MAN2A1: variants seen among roughly 807,000 people sequenced by gnomAD.
MAN2A1 encodes the protein mannosidase alpha class 2A member 1.
MAN2A1 carries 76 observed loss-of-function variants against 142.6 expected under a neutral mutation model. The observed-to-expected ratio is 0.53, with a 90% CI of 0.44 to 0.65. The LOEUF (loss-of-function observed/expected upper bound fraction) is 0.65. Ranked by LOEUF, MAN2A1 falls within the 30% of genes least tolerant of loss-of-function variation. MAN2A1 has a pLI of 0.00. For synonymous variants in MAN2A1, 559 were observed against 473.2 expected (o/e 1.18, Z -2.35); for missense variants, 1,311 against 1,365.1 (o/e 0.96, Z 0.62).
intron 16 of MAN2A1, among the ~76,000 whole-genome samples, chr5:109,832,491 G>A (rs1347336645): frequency 1.3e-5 from 2 of 152,124 alleles, no homozygotes; most frequent in Non-Finnish European, 2.9e-5. Context: ...GGGGTTGGGG[G>A]TAAGGCCATA....
At position 109,738,838 on chromosome 5, in the gene MAN2A1, T is replaced by C. The variant is rs1197009103; in HGVS notation, c.707+9325T>C. On this transcript the variant is annotated intron_variant, in intron 4 of 21. Transcript: ENST00000261483. Reference sequence around the variant, plus strand: ...CTGAAGTCTTCTATAATGGGAGACTTTTCTTTTAGTTTTTGTTTTTTTTTG... The same window carrying C: ...CTGAAGTCTTCTATAATGGGAGACTCTTCTTTTAGTTTTTGTTTTTTTTTG... Among the ~76,000 whole-genome samples the C allele has an allele frequency of 5.3e-5, 8 of 152,118 alleles. No homozygotes were observed. The East Asian group carries it at 1.5e-3, about 29-fold the overall frequency.
intron 15 of MAN2A1, among the ~76,000 whole-genome samples, chr5:109,823,390 T>C (rs536481258): frequency 6.6e-6 from 1 of 152,166 alleles, no homozygotes; most frequent in Non-Finnish European, 1.5e-5. Flanking sequence ...CCTGGGAAAA[T>C]GTAACTTCTG....
intron 18 of MAN2A1, among the ~76,000 whole-genome samples, chr5:109,846,779 A>G (rs1421914076): frequency 6.6e-6 from 1 of 152,176 alleles, no homozygotes; most frequent in Non-Finnish European, 1.5e-5. Flanking sequence ...TCTTACACAC[A>G]CACACAAAAA....
rs759811321 is a variant in MAN2A1, at chr5:109,842,317, T to C, written c.2567-11T>C. On this transcript the variant is annotated splice_polypyrimidine_tract_variant and intron_variant, in intron 16 of 21. Coordinates refer to ENST00000261483, the MANE Select transcript of MAN2A1 (RefSeq NM_002372.4). ...CTTTCTATTAATCCATATATATTTTTTTAAATTTAGGAATAGAAGGACAGT... is the reference window on the plus strand; with the variant it reads ...CTTTCTATTAATCCATATATATTTTCTTAAATTTAGGAATAGAAGGACAGT... 6.7e-7 allele frequency: 1 copy of C among 1,495,910 alleles called. No homozygotes were observed. Among genetic ancestry groups the C allele is most frequent in the Non-Finnish European group, 9.0e-7 (1 of 1,108,358 alleles). 92.7% of individuals were successfully genotyped at this position (1,495,910 alleles called of 1,614,324 possible). A position where few individuals can be genotyped will look rare whatever the true frequency, so the allele number is the denominator to read the frequency against.
At chr5:109,816,924 C>G (rs1754476358) in intron 12 of MAN2A1, among the ~76,000 whole-genome samples, 1 of 152,094 alleles carries the variant, frequency 6.6e-6, no homozygotes, top group South Asian at 2.1e-4. Context: ...TCTGAAAGTT[C>G]TCACAGAATA....
intron 9 of MAN2A1, among the ~76,000 whole-genome samples, 160 bp from the exon 10 acceptor site, chr5:109,784,584 T>C (rs183125937): frequency 6.6e-6 from 1 of 152,320 alleles, no homozygotes; most frequent in African/African-American, 2.4e-5. Flanking sequence ...ACGGGATACA[T>C]TGGTTGTTTT....
At chr5:109,735,390 T>G (rs2112594769) in intron 4 of MAN2A1, among the ~76,000 whole-genome samples, 1 of 152,364 alleles carries the variant, frequency 6.6e-6, no homozygotes, top group Non-Finnish European at 1.5e-5. Context: ...TTAATATTGT[T>G]ATGTGTGAAT....
chr5:109,865,041 C>T lies in MAN2A1; in HGVS notation c.3177C>T (p.Gly1059=). Residue 1059 remains glycine, a synonymous_variant, in exon 21 of 22, where the codon GGC becomes GGT. Transcript: ENST00000261483. ...TGCATTCTGCTCATTTGCAGGTGGG[C>T]AATGGGCACTCCAATGAGGCAGCCT... ...VNLRTIQSKV[G]NGHSNEAALI... 1 of 1,612,068 alleles carries T rather than the reference C, an allele frequency of 6.2e-7. No individual in the cohort carries two copies. The highest frequency in any genetic ancestry group is 8.5e-7 in the Non-Finnish European group (1 of 1,178,222).
At chr5:109,847,894 A>T in intron 19 of MAN2A1, 104 bp downstream of exon 19, 1 of 864,554 alleles carries the variant, frequency 1.2e-6, no homozygotes. Context: ...CATTTCCAAT[A>T]TTGAGATTTC....
At chr5:109,860,607 T>C (rs2112441858) in intron 20 of MAN2A1, among the ~76,000 whole-genome samples, 1 of 152,346 alleles carries the variant, frequency 6.6e-6, no homozygotes, top group East Asian at 1.9e-4. Flanking sequence ...TAATGTTTAC[T>C]ACAGTTTCCA....
At chr5:109,836,645 G>A (rs1755064270) in intron 16 of MAN2A1, among the ~76,000 whole-genome samples, 1 of 152,168 alleles carries the variant, frequency 6.6e-6, no homozygotes, top group Non-Finnish European at 1.5e-5. Context: ...TCAGCCTCCT[G>A]ACGGTGACCT....
At chr5:109,690,976 G>A (rs773836921) in intron 1 of MAN2A1, among the ~76,000 whole-genome samples, 1 of 152,170 alleles carries the variant, frequency 6.6e-6, no homozygotes, top group Non-Finnish European at 1.5e-5. Flanking sequence ...CTGAGCGCAC[G>A]GAGTCGCGGA....
intron 20 of MAN2A1, among the ~76,000 whole-genome samples, chr5:109,861,171 A>G (rs1378786531): frequency 4.6e-5 from 7 of 152,144 alleles, no homozygotes. Context: ...TAACATGGAG[A>G]TGGTAATAAT....
chr5:109,807,381 TCTA>T (rs569079566), intron 12 of MAN2A1, among the ~76,000 whole-genome samples: 4 of 152,300 alleles, frequency 2.6e-5, no homozygotes, highest in Admixed American at 2.6e-4. Flanking sequence ...CAAACTTAAT[TCTA>T]CTAAAAAATA....
chr5:109,764,197 A>G (rs142877936), intron 5 of MAN2A1, among the ~76,000 whole-genome samples: 31 of 152,300 alleles, frequency 2.0e-4, no homozygotes, highest in African/African-American at 6.7e-4. Flanking sequence ...AGTATTAAAT[A>G]TACTTAGAAT....
At chr5:109,732,939 T>C (rs1306078899) in intron 4 of MAN2A1, among the ~76,000 whole-genome samples, 1 of 152,222 alleles carries the variant, frequency 6.6e-6, no homozygotes, top group Non-Finnish European at 1.5e-5. Context: ...ATTGAATCTA[T>C]AAATTACCTT....
At position 109,722,034 on chromosome 5, in the gene MAN2A1, A is replaced by G. The variant is rs140211870; in HGVS notation, c.535+5770A>G. Reference sequence around the variant, plus strand: ...AGAGCATAAGTGATCTGTTCATGGCAGGGCTAGGTTTGAAATCAAGTGATC... The same window carrying G: ...AGAGCATAAGTGATCTGTTCATGGCGGGGCTAGGTTTGAAATCAAGTGATC... On this transcript the variant is annotated intron_variant, in intron 3 of 21. Transcript: ENST00000261483. Among the ~76,000 whole-genome samples the G allele has an allele frequency of 9.2e-5, 14 of 152,350 alleles. No individual in the cohort carries two copies. In the East Asian group the frequency reaches 2.7e-3, roughly 29 times the overall value.
rs551221347 is a variant in MAN2A1, at chr5:109,869,541, T to A, written c.*2543T>A. The A allele has an allele frequency of 1.3e-5, 2 of 152,324 alleles. No individual in the cohort carries two copies. The highest frequency in any genetic ancestry group is 4.1e-4 in the South Asian group (2 of 4,828). 9.4% of individuals were successfully genotyped at this position (152,324 alleles called of 1,614,324 possible). ...TTTTGTTCACCTTGGAATCAACAGG[T>A]TTTGATATTTTCTCTTGGAAGATTT... On this transcript the variant is annotated 3_prime_UTR_variant, in exon 22 of 22. Transcript: ENST00000261483.
At chr5:109,802,363 A>G (rs1754054282) in intron 12 of MAN2A1, among the ~76,000 whole-genome samples, 1 of 152,174 alleles carries the variant, frequency 6.6e-6, no homozygotes, top group Non-Finnish European at 1.5e-5. Context: ...TAAAGATTCT[A>G]TAAAGCTTCA....
Sources: gnomAD v4.1 joint callset for allele counts (sites outside exome capture counted in the v4.1 genomes callset) on GRCh38, gnomAD v4.1.1 for gene constraint, MANE v1.5 for transcripts, NCBI Gene and HGNC (gene_info 2026-07-23, HGNC 2026-07-21) for gene names.